Variants in NTNG2 observed in about 807,000 individuals in gnomAD.
NTNG2 encodes the protein netrin-G2.
In NTNG2, 15 loss-of-function variants were observed where a neutral mutation model predicts 47.6. The observed-to-expected ratio is 0.32, with a 90% CI of 0.21 to 0.49. The LOEUF (loss-of-function observed/expected upper bound fraction) is 0.49, where lower values mean the gene tolerates loss of function less well. Ranked by LOEUF, NTNG2 falls within the 20% of genes least tolerant of loss-of-function variation. The pLI is 0.99. For missense variants in NTNG2, 578 were observed against 764.6 expected (o/e 0.76, Z 2.88); for synonymous variants, 307 against 324.6 (o/e 0.95, Z 0.58).
intron 2 of NTNG2, among the ~76,000 whole-genome samples, chr9:132,189,092 T>TTTTTTTTTTTTTTTTTTTTTTTTTTG: frequency 7.1e-6 from 1 of 140,524 alleles, no homozygotes; most frequent in Admixed American, 7.1e-5. Flanking sequence ...TTTTTTTTTT[T>TTTTTTTTTTTTTTTTTTTTTTTTTTG]TTTAGACAGG....
rs1449401625 is a variant in NTNG2, at chr9:132,196,382, G to C, written c.214-1584G>C. 2.0e-5 allele frequency among the ~76,000 whole-genome samples: 3 copies of C among 151,912 alleles called. No individual in the cohort carries two copies. The East Asian group carries it at 5.8e-4, about 29-fold the overall frequency. ...ATTTTTTTGTATTTTTAGTAGAGAC[G>C]GGGTTTCTCCATGTTGGTCAGGCTT... On this transcript the variant is annotated intron_variant, in intron 2 of 7. Transcript: ENST00000393229.
At chr9:132,175,115 G>A (rs910680758) in intron 2 of NTNG2, among the ~76,000 whole-genome samples, 3 of 152,022 alleles carry the variant, frequency 2.0e-5, no homozygotes, top group African/African-American at 7.2e-5. Context: ...GAGACGCAGG[G>A]AAGGGGGCCA....
At chr9:132,172,158 C>T (rs557181153) in intron 2 of NTNG2, among the ~76,000 whole-genome samples, 2 of 152,260 alleles carry the variant, frequency 1.3e-5, no homozygotes, top group Admixed American at 1.3e-4. Context: ...CGAATGCCTG[C>T]CCCCTCCTTC....
chr9:132,240,870 A>C, intron 6 of NTNG2, 40 bp from the exon 7 acceptor site: 1 of 1,612,104 alleles, frequency 6.2e-7, no homozygotes, highest in Non-Finnish European at 8.5e-7. Flanking sequence ...CGGCGCCCAC[A>C]CGTAGCCCTG....
rs1323915931 is a variant in NTNG2, at chr9:132,227,040, G to A, written c.1030+19G>A. 9 of 1,576,086 alleles carry A rather than the reference G, an allele frequency of 5.7e-6. No homozygotes were observed. The highest frequency in any genetic ancestry group is 7.7e-6 in the Non-Finnish European group (9 of 1,161,806). The stretch of plus-strand genomic sequence containing the variant: ...AACGCCTGTACGTGCCATGCCCCGG[G>A]GCCACGAGCCCACATGGCTATAATC... On this transcript the variant is annotated intron_variant, in intron 4 of 7. Coordinates refer to ENST00000393229, the MANE Select transcript of NTNG2 (RefSeq NM_032536.4).
chr9:132,173,654 G>T (rs1055988508), intron 2 of NTNG2, among the ~76,000 whole-genome samples: 1 of 151,834 alleles, frequency 6.6e-6, no homozygotes, highest in Non-Finnish European at 1.5e-5. Flanking sequence ...ATGGACAGAC[G>T]AACGGACAGA....
rs932775006 is a variant in NTNG2 at position 132,182,365 on chromosome 9, T to C, written c.213+15321T>C. 5.3e-5 allele frequency among the ~76,000 whole-genome samples: 8 copies of C among 152,136 alleles called. No individual in the cohort carries two copies. The highest frequency in any genetic ancestry group is 8.8e-5 in the Non-Finnish European group (6 of 68,002). On this transcript the variant is annotated intron_variant, in intron 2 of 7. Coordinates refer to ENST00000393229, the MANE Select transcript of NTNG2 (RefSeq NM_032536.4). The surrounding 1 kb of genome is among the most constrained non-coding windows in gnomAD (Gnocchi z 4.2). ...AAGGGAGGGCTCCAGGCCTGTCTGC[T>C]TGGCACGGGGCAGCCCTACCCTCCT...
chr9:132,192,523 G>A (rs1378728628), intron 2 of NTNG2, among the ~76,000 whole-genome samples: 2 of 152,200 alleles, frequency 1.3e-5, no homozygotes, highest in African/African-American at 2.4e-5. Context: ...CCCAGGAAGT[G>A]GAGGTTGCAG....
chr9:132,181,594 C>T lies in NTNG2; in HGVS notation c.213+14550C>T, dbSNP rs200666007. ...CCTCCCAAAGTGTCGGGATTACAGG[C>T]GTGAGCCACCGTGCCTGGCCATAGC... On this transcript the variant is annotated intron_variant, in intron 2 of 7. Transcript: ENST00000393229. 2.1e-4 allele frequency among the ~76,000 whole-genome samples: 32 copies of T among 152,324 alleles called. 1 individual carries two copies. The East Asian group carries it at 3.3e-3, about 16-fold the overall frequency.
chr9:132,199,153 T>C (rs1184583849), intron 3 of NTNG2, among the ~76,000 whole-genome samples: 1 of 151,984 alleles, frequency 6.6e-6, no homozygotes, highest in African/African-American at 2.4e-5. Context: ...AGTGCATGTG[T>C]TGGAGGTGTG....
At chr9:132,170,128 G>T (rs7854265) in intron 2 of NTNG2, among the ~76,000 whole-genome samples, 6 of 152,172 alleles carry the variant, frequency 3.9e-5, no homozygotes, top group Non-Finnish European at 5.9e-5. Flanking sequence ...GCTGCACTCC[G>T]AGGGTACAGG....
At position 132,218,295 on chromosome 9, in the gene NTNG2, C is replaced by A. The variant is rs1387148239; in HGVS notation, c.858-8554C>A. Among the ~76,000 whole-genome samples, 1 of 152,182 alleles carries A rather than the reference C, an allele frequency of 6.6e-6. No individual in the cohort carries two copies. The highest frequency in any genetic ancestry group is 1.9e-4 in the East Asian group (1 of 5,186). On this transcript the variant is annotated intron_variant, in intron 3 of 7. Transcript: ENST00000393229. The surrounding 1 kb of genome is among the most constrained non-coding windows in gnomAD (Gnocchi z 5.4). ...CCTCAGGCAGCTCACTTCACCACCC[C>A]AAGTCTCAGTTTCCCCATCTGCACA... is the stretch of plus-strand genomic sequence containing the variant.
intron 3 of NTNG2, among the ~76,000 whole-genome samples, chr9:132,213,077 G>C (rs1839716225): frequency 6.6e-6 from 1 of 152,082 alleles, no homozygotes; most frequent in African/African-American, 2.4e-5. Flanking sequence ...TCAACAATTT[G>C]GGAAGGCAGA....
intron 2 of NTNG2, among the ~76,000 whole-genome samples, chr9:132,175,679 C>T (rs1387941869): frequency 6.6e-6 from 1 of 152,344 alleles, no homozygotes; most frequent in East Asian, 1.9e-4. Flanking sequence ...CCCGAGCACA[C>T]ACCAACTGCT....
At chr9:132,194,780 G>C (rs551564370) in intron 2 of NTNG2, among the ~76,000 whole-genome samples, 1 of 152,220 alleles carries the variant, frequency 6.6e-6, no homozygotes, top group Non-Finnish European at 1.5e-5. Context: ...TCAATGAACC[G>C]AGGGTCAGCC....
At chr9:132,164,015 C>T (rs999395349) in intron 1 of NTNG2, among the ~76,000 whole-genome samples, 4 of 152,136 alleles carry the variant, frequency 2.6e-5, no homozygotes, top group African/African-American at 9.7e-5. Context: ...AATTTCCCTG[C>T]CGACTCCTCA....
At chr9:132,185,524 C>T (rs1051894767) in intron 2 of NTNG2, among the ~76,000 whole-genome samples, 1 of 152,130 alleles carries the variant, frequency 6.6e-6, no homozygotes, top group African/African-American at 2.4e-5. Context: ...ATGCTCTGCA[C>T]AAGCTTTTAA....
chr9:132,193,702 G>T (rs746289962), intron 2 of NTNG2, among the ~76,000 whole-genome samples: 2 of 152,128 alleles, frequency 1.3e-5, no homozygotes, highest in African/African-American at 2.4e-5. Context: ...ATTCCTCCCG[G>T]CCTGTTCCCT....
intron 3 of NTNG2, among the ~76,000 whole-genome samples, chr9:132,217,731 G>T (rs1345384063): frequency 6.6e-6 from 1 of 152,160 alleles, no homozygotes; most frequent in Non-Finnish European, 1.5e-5. Context: ...ACTCCATGAG[G>T]CAGGTGTTAC....
Sources: gnomAD v4.1 joint callset for allele counts (sites outside exome capture counted in the v4.1 genomes callset) on GRCh38, gnomAD v4.1.1 for gene constraint, Gnocchi (gnomAD v3.1) non-coding constraint, MANE v1.5 for transcripts, NCBI Gene and HGNC (gene_info 2026-07-23, HGNC 2026-07-21) for gene names.